ANKRD35: variants seen among roughly 807,000 people sequenced by gnomAD.
ANKRD35 encodes the protein ankyrin repeat domain-containing protein 35.
A neutral mutation model predicts 109.9 loss-of-function variants in ANKRD35; 102 were observed. The observed-to-expected ratio is 0.93, with a 90% CI of 0.79 to 1.09. The LOEUF (loss-of-function observed/expected upper bound fraction) is 1.09, where lower values mean the gene tolerates loss of function less well. Ranked by LOEUF, ANKRD35 falls within the 50% of genes least tolerant of loss-of-function variation. The pLI is 0.00. For missense variants in ANKRD35, 1,240 were observed against 1,230.1 expected (o/e 1.01, Z -0.12); for synonymous variants, 515 against 512.4 (o/e 1.01, Z -0.07).
Position 145,878,350 on chromosome 1 carries a change from G to C in ANKRD35, c.259+41C>G, listed in dbSNP as rs1553740508. ...CCGCCCCCGACTGCTGCTGTACCAGGGGCAAGCAAGCAGCGTGGCCCAGTG... is the reference window on the plus strand; with the variant it reads ...CCGCCCCCGACTGCTGCTGTACCAGCGGCAAGCAAGCAGCGTGGCCCAGTG... On this transcript the variant is annotated intron_variant, in intron 3 of 13. Coordinates refer to ENST00000355594, the MANE Select transcript of ANKRD35 (RefSeq NM_144698.5). 7 of 1,541,402 alleles carry C rather than the reference G, an allele frequency of 4.5e-6. No individual in the cohort carries two copies. In the South Asian group the frequency reaches 7.1e-5, roughly 16 times the overall value.
rs201747548 is a variant in ANKRD35 at position 145,879,325 on chromosome 1, G to A, written c.103C>T (p.Arg35Cys). ...TTCCTGGAGGCCAGGGCAGCCACGC[G>A]TCCCACATCCCCCCTGTGCACTGCC... ...LEAVHRGDVGRVAALASRKSA... is the reference protein window; with the variant it reads ...LEAVHRGDVGCVAALASRKSA... Residue 35 changes from arginine (R) to cysteine (C), a missense_variant, in exon 2 of 14, where the codon CGC becomes TGC. By Grantham distance (180) the Arg-to-Cys change is radical. Transcript: ENST00000355594. The A allele has an allele frequency of 6.0e-5, 96 of 1,610,776 alleles. No individual in the cohort carries two copies. Among genetic ancestry groups the A allele is most frequent in the Middle Eastern group, 4.9e-4 (3 of 6,072 alleles).
chr1:145,876,222 C>T lies in ANKRD35; in HGVS notation c.478G>A (p.Ala160Thr), dbSNP rs150752253. 335 of 1,613,648 alleles carry T rather than the reference C, an allele frequency of 2.1e-4. 1 individual carries two copies. The highest frequency in any genetic ancestry group is 2.4e-4 in the South Asian group (22 of 90,988). Reference protein sequence around the residue: ...DNDGRTPLMIASLGGHAAICS... With the variant: ...DNDGRTPLMITSLGGHAAICS... ...ATAGCTGCGTGCCCACCCAGCGATG[C>T]GATCATCAGGGGTGTACGTCCATCC... The change falls in exon 7 of 14, where the codon GCA (alanine) becomes ACA (threonine). Residue 160 changes from alanine (A) to threonine (T), a missense_variant. Coordinates refer to ENST00000355594, the MANE Select transcript of ANKRD35 (RefSeq NM_144698.5).
chr1:145,884,317 T>C (rs958622216), intron 1 of ANKRD35, among the ~76,000 whole-genome samples: 25 of 152,184 alleles, frequency 1.6e-4, no homozygotes, highest in African/African-American at 5.3e-4. Context: ...GGAAACTAAG[T>C]AGAGATGCAA....
At chr1:145,880,694 C>T (rs1453816949) in intron 1 of ANKRD35, among the ~76,000 whole-genome samples, 3 of 151,992 alleles carry the variant, frequency 2.0e-5, no homozygotes, top group Non-Finnish European at 2.9e-5. Context: ...CTGTGGAAGC[C>T]CAGTAACTCA....
chr1:145,869,106 TA>T (rs1653712578), intron 10 of ANKRD35, among the ~76,000 whole-genome samples: 1 of 152,068 alleles, frequency 6.6e-6, no homozygotes, highest in African/African-American at 2.4e-5. Flanking sequence ...ATTGAAAACT[TA>T]AAAAAATTTA....
At chr1:145,874,310 G>T (rs897801857) in intron 8 of ANKRD35, 118 bp from the exon 9 acceptor site, 1 of 1,118,124 alleles carries the variant, frequency 8.9e-7, no homozygotes, top group Non-Finnish European at 1.3e-6. Flanking sequence ...CAATCTCACT[G>T]CACATCTTCC....
Position 145,873,623 on chromosome 1 carries a change from T to G in ANKRD35, c.1146A>C (p.Thr382=). The change falls in exon 10 of 14, where the codon ACA becomes ACC. Residue 382 remains threonine, a synonymous_variant. Coordinates refer to ENST00000355594, the MANE Select transcript of ANKRD35 (RefSeq NM_144698.5). ...GCPKDLLAES[T]QELKKQQQAA... Reference sequence around the variant, plus strand: ...CCTGCTGCTGCTTCTTTAGCTCTTGTGTACTCTCAGCCAGCAGGTCCTTAG... The same window carrying G: ...CCTGCTGCTGCTTCTTTAGCTCTTGGGTACTCTCAGCCAGCAGGTCCTTAG... 6.2e-7 allele frequency: 1 copy of G among 1,614,130 alleles called. No individual in the cohort carries two copies. Among genetic ancestry groups the G allele is most frequent in the Non-Finnish European group, 8.5e-7 (1 of 1,180,034 alleles).
In ANKRD35 at chr1:145,868,020, A is replaced by G. The variant is rs1383516425; in HGVS notation, c.2914T>C (p.Tyr972His). 3 of 1,614,082 alleles carry G rather than the reference A, an allele frequency of 1.9e-6. No individual in the cohort carries two copies. The highest frequency in any genetic ancestry group is 1.3e-5 in the African/African-American group (1 of 74,930). Residue 972 changes from tyrosine to histidine, a missense_variant, in exon 12 of 14, where the codon TAC becomes CAC. Physicochemically the swap from Tyr to His is moderately conservative, Grantham distance 83. Coordinates refer to ENST00000355594, the MANE Select transcript of ANKRD35 (RefSeq NM_144698.5). ...GCAGCATTCAGTAGATGATTCCTGT[A>G]GGTGGAGATGATCTCTTCATGGTTC... is the stretch of plus-strand genomic sequence containing the variant. ...QKNHEEIIST[Y>H]RNHLLNAARG...
intron 10 of ANKRD35, among the ~76,000 whole-genome samples, chr1:145,869,397 G>A (rs1184233107): frequency 2.0e-5 from 3 of 152,114 alleles, no homozygotes; most frequent in Non-Finnish European, 4.4e-5. Flanking sequence ...GGCCAGGCTG[G>A]TCTCGAACTC....
chr1:145,883,914 C>G (rs1654387654), intron 1 of ANKRD35, among the ~76,000 whole-genome samples: 1 of 152,212 alleles, frequency 6.6e-6, no homozygotes, highest in Non-Finnish European at 1.5e-5. Context: ...ATCCAACTTA[C>G]TTCCCATAAT....
intron 1 of ANKRD35, among the ~76,000 whole-genome samples, chr1:145,883,107 G>A (rs960541150): frequency 3.6e-5 from 5 of 138,502 alleles, no homozygotes; most frequent in Admixed American, 7.3e-5. Flanking sequence ...TTTTTGAGAC[G>A]GAGTCTTGCT....
At chr1:145,879,434 T>C (rs372019923) in intron 1 of ANKRD35, 46 bp from the exon 2 acceptor site, 36 of 1,393,360 alleles carry the variant, frequency 2.6e-5, no homozygotes, top group Non-Finnish European at 3.2e-5. Context: ...ATGAGGGTAG[T>C]GTGGAGAAAG....
chr1:145,869,978 G>A (rs1435250635), intron 10 of ANKRD35, among the ~76,000 whole-genome samples: 1 of 152,112 alleles, frequency 6.6e-6, no homozygotes, highest in Non-Finnish European at 1.5e-5. Context: ...ATGGCTTATT[G>A]AGGCAGAGGC....
At chr1:145,870,405 A>G (rs1653767826) in intron 10 of ANKRD35, among the ~76,000 whole-genome samples, 1 of 152,122 alleles carries the variant, frequency 6.6e-6, no homozygotes, top group Admixed American at 6.6e-5. Context: ...AATCTTTTAA[A>G]TAAATATAAT....
intron 3 of ANKRD35, 83 bp downstream of exon 3, chr1:145,878,308 T>A: frequency 7.2e-7 from 1 of 1,386,102 alleles, no homozygotes; most frequent in South Asian, 1.2e-5. Flanking sequence ...AGTAGGAATG[T>A]CCAGCAGGGC....
intron 10 of ANKRD35, 148 bp downstream of exon 10, chr1:145,871,834 T>G: frequency 2.0e-6 from 2 of 989,496 alleles, no homozygotes; most frequent in South Asian, 3.2e-5. Flanking sequence ...GAGAACATAG[T>G]AGTGTGGTCC....
intron 8 of ANKRD35, among the ~76,000 whole-genome samples, chr1:145,874,602 G>C (rs782720974): frequency 5.9e-5 from 9 of 152,192 alleles, no homozygotes; most frequent in Admixed American, 2.0e-4. Flanking sequence ...ACACTAGCCA[G>C]AGCTGTCCTC....
chr1:145,878,059 G>A (rs782298788), intron 3 of ANKRD35, 27 bp from the exon 4 acceptor site: 5 of 1,607,206 alleles, frequency 3.1e-6, no homozygotes, highest in East Asian at 4.5e-5. Flanking sequence ...GGGAGAAGGA[G>A]GGTAGGTGGC....
chr1:145,872,462 G>A lies in ANKRD35; in HGVS notation c.2307C>T (p.Thr769=). 1 of 1,604,364 alleles carries A rather than the reference G, an allele frequency of 6.2e-7. No homozygotes were observed. Residue 769 remains threonine, a synonymous_variant, in exon 10 of 14, where the codon ACC becomes ACT. Coordinates refer to ENST00000355594, the MANE Select transcript of ANKRD35 (RefSeq NM_144698.5). ...GGGGGGATGCTGGGGCCTTTAAGGA[G>A]GTGCCTGGCTCCCTACACGGGGACA... The part of the protein sequence containing the change: ...GSLSPCREPG[T]SLKAPASPQV...
Sources: gnomAD v4.1 joint callset for allele counts (sites outside exome capture counted in the v4.1 genomes callset) on GRCh38, gnomAD v4.1.1 for gene constraint, MANE v1.5 for transcripts, NCBI Gene and HGNC (gene_info 2026-07-23, HGNC 2026-07-21) for gene names.